NDRG1: variants seen among roughly 807,000 people sequenced by gnomAD.
NDRG1 encodes N-myc downstream regulated 1.
A neutral mutation model predicts 56.9 loss-of-function variants in NDRG1; 32 were observed. The observed-to-expected ratio is 0.56, with a 90% CI of 0.42 to 0.76. NDRG1 has a LOEUF of 0.76. Ranked by LOEUF, NDRG1 falls within the 30% of genes least tolerant of loss-of-function variation. The probability of loss-of-function intolerance (pLI) is 0.00; values close to 1 mark genes in which losing one functional copy is unlikely to be tolerated. For missense variants in NDRG1, 507 were observed against 545.7 expected (o/e 0.93, Z 0.71); for synonymous variants, 211 against 204.1 (o/e 1.03, Z -0.29).
At chr8:133,241,987 C>T (rs1855409061) in intron 15 of NDRG1, 36 bp downstream of exon 15, 1 of 1,612,900 alleles carries the variant, frequency 6.2e-7, no homozygotes, top group South Asian at 1.1e-5. Context: ...CCGACACATG[C>T]CCCGACCCAC....
Position 133,262,228 on chromosome 8 carries a change from C to G in NDRG1, c.206-61G>C, listed in dbSNP as rs954431739. On this transcript the variant is annotated intron_variant, in intron 4 of 15. Coordinates refer to ENST00000323851, the MANE Select transcript of NDRG1 (RefSeq NM_006096.4). ...GTAAGATGAGAAAAAAATTAGGTGT[C>G]TCGGTGGCAAAGCACATTCATTTTG... 3.8e-5 allele frequency: 60 copies of G among 1,588,278 alleles called. No individual in the cohort carries two copies. In the South Asian group the frequency reaches 6.6e-4, roughly 17 times the overall value.
chr8:133,277,991 G>A (rs895460509), intron 3 of NDRG1, among the ~76,000 whole-genome samples: 3 of 152,168 alleles, frequency 2.0e-5, no homozygotes, highest in African/African-American at 7.2e-5. Flanking sequence ...GAGGAGGATG[G>A]ACAATCACAT....
chr8:133,296,685 C>A (rs1563648103), intron 1 of NDRG1: 3 of 374,288 alleles, frequency 8.0e-6, no homozygotes, highest in African/African-American at 2.6e-5. Context: ...CTCTCCGTTC[C>A]CAGACACAGA....
chr8:133,259,227 G>A lies in NDRG1; in HGVS notation c.330C>T (p.Tyr110=). The change falls in exon 6 of 16, where the codon TAC becomes TAT. Residue 110 remains tyrosine (Y), a synonymous_variant. Transcript: ENST00000323851. The part of the protein sequence containing the change: ...QDGAASFPAG[Y]MYPSMDQLAE... ...CCAGCTGATCCATGGAGGGGTACAT[G>A]TACCTGGGGATGACACAGAGAAGCC... is the stretch of plus-strand genomic sequence containing the variant. 6.2e-7 allele frequency: 1 copy of A among 1,614,184 alleles called. No individual in the cohort carries two copies. The highest frequency in any genetic ancestry group is 8.5e-7 in the Non-Finnish European group (1 of 1,180,008).
Position 133,250,516 on chromosome 8 carries a change from C to T in NDRG1, c.622G>A (p.Val208Ile), listed in dbSNP as rs1564284252. 1 of 1,614,046 alleles carries T rather than the reference C, an allele frequency of 6.2e-7. No homozygotes were observed. Among genetic ancestry groups the T allele is most frequent in the Admixed American group, 1.7e-5 (1 of 60,024 alleles). Residue 208 changes from valine (V) to isoleucine (I), a missense_variant, in exon 10 of 16, where the codon GTC (valine) becomes ATC (isoleucine). Coordinates refer to ENST00000323851, the MANE Select transcript of NDRG1 (RefSeq NM_006096.4). ...KEEMQSNVEV[V>I]HTYRQHIVND... ...ACAATGTGCTGGCGGTAGGTGTGGACCACTTCCACGTTACTCTGCATTTCT... is the reference window on the plus strand; with the variant it reads ...ACAATGTGCTGGCGGTAGGTGTGGATCACTTCCACGTTACTCTGCATTTCT...
chr8:133,281,885 G>C (rs1857827416), intron 2 of NDRG1, among the ~76,000 whole-genome samples: 2 of 152,160 alleles, frequency 1.3e-5, no homozygotes, highest in South Asian at 4.1e-4. Context: ...TGGTGGGAAA[G>C]AATGGGGAAA....
At chr8:133,269,047 G>C (rs1418062876) in intron 3 of NDRG1, among the ~76,000 whole-genome samples, 1 of 152,220 alleles carries the variant, frequency 6.6e-6, no homozygotes, top group Non-Finnish European at 1.5e-5. Context: ...TCCCTGCGGG[G>C]ATCAATCACT....
intron 5 of NDRG1, 33 bp from the exon 6 acceptor site, chr8:133,259,263 G>T (rs2233327): frequency 1.2e-5 from 20 of 1,605,450 alleles, no homozygotes; most frequent in Non-Finnish European, 7.7e-6. Context: ...ATTAGTGAGC[G>T]CCCGGACAGA....
intron 7 of NDRG1, among the ~76,000 whole-genome samples, chr8:133,257,064 G>C (rs1261350696): frequency 6.6e-6 from 1 of 152,198 alleles, no homozygotes; most frequent in Non-Finnish European, 1.5e-5. Flanking sequence ...AGAGAGAGTG[G>C]GAAGGAGAAA....
At chr8:133,280,339 G>A in intron 2 of NDRG1, 72 bp from the exon 3 acceptor site, 2 of 1,484,210 alleles carry the variant, frequency 1.3e-6, no homozygotes, top group Middle Eastern at 1.7e-4. Flanking sequence ...GGGACATATG[G>A]GCCTTTCTAT....
intron 8 of NDRG1, chr8:133,255,028 T>C: frequency 3.1e-6 from 1 of 327,524 alleles, no homozygotes; most frequent in Non-Finnish European, 6.0e-6. Context: ...CAAGCCAGTT[T>C]CCCCTTTCTA....
At chr8:133,263,034 G>T (rs929403110) in intron 4 of NDRG1, among the ~76,000 whole-genome samples, 22 of 152,194 alleles carry the variant, frequency 1.4e-4, no homozygotes, top group African/African-American at 5.1e-4. Flanking sequence ...AGCCACAGAG[G>T]GCTTGGCATC....
chr8:133,249,582 G>T (rs1855896324), intron 10 of NDRG1: 1 of 153,556 alleles, frequency 6.5e-6, no homozygotes, highest in African/African-American at 2.4e-5. Flanking sequence ...TGTGGAGTCT[G>T]CGGGCTGTGC....
rs1563628461 is a variant in NDRG1 at position 133,264,569 on chromosome 8, G to A, written c.183C>T (p.Thr61=). The change falls in exon 4 of 16, where the codon ACC becomes ACT. Residue 61 remains threonine (T), a synonymous_variant. Coordinates refer to ENST00000323851, the MANE Select transcript of NDRG1 (RefSeq NM_006096.4). ...TPKGNRPVIL[T]YHDIGMNHKT... is the part of the protein sequence containing the mutation. ...TACGGTTCATGCCGATGTCATGGTAGGTGAGGATGACAGGCCGGTTTCCCT... is the reference window on the plus strand; with the variant it reads ...TACGGTTCATGCCGATGTCATGGTAAGTGAGGATGACAGGCCGGTTTCCCT... 7 of 1,614,158 alleles carry A rather than the reference G, an allele frequency of 4.3e-6. No individual in the cohort carries two copies. The highest frequency in any genetic ancestry group is 5.1e-6 in the Non-Finnish European group (6 of 1,179,982).
In NDRG1 at chr8:133,258,722, T is replaced by C. The variant is rs190009361; in HGVS notation, c.390-296A>G. ...ATCATTTCTTCCCACTCTTAAGCTT[T>C]ATTTTGGATTCTAAAACTTGGAATG... On this transcript the variant is annotated intron_variant, in intron 6 of 15. Coordinates refer to ENST00000323851, the MANE Select transcript of NDRG1 (RefSeq NM_006096.4). 1.2e-4 allele frequency among the ~76,000 whole-genome samples: 18 copies of C among 152,362 alleles called. No individual in the cohort carries two copies. The East Asian group carries it at 3.5e-3, about 29-fold the overall frequency.
At chr8:133,270,683 T>C in intron 3 of NDRG1, among the ~76,000 whole-genome samples, 1 of 152,200 alleles carries the variant, frequency 6.6e-6, no homozygotes, top group Admixed American at 6.5e-5. Flanking sequence ...CAGGTGACAG[T>C]AGGAAGCTGT....
chr8:133,246,509 T>C, intron 13 of NDRG1, 107 bp downstream of exon 13: 4 of 1,132,240 alleles, frequency 3.5e-6, no homozygotes, highest in Non-Finnish European at 4.1e-6. Flanking sequence ...AATTCTATAG[T>C]TTCTGATCGT....
intron 3 of NDRG1, among the ~76,000 whole-genome samples, chr8:133,276,847 C>G (rs113700742): frequency 3.2e-4 from 48 of 152,278 alleles, no homozygotes; most frequent in African/African-American, 1.1e-3. Context: ...GTATATGTCC[C>G]CCAAAACTGA....
intron 2 of NDRG1, chr8:133,280,826 A>G (rs1267376883): frequency 6.4e-6 from 1 of 156,198 alleles, no homozygotes; most frequent in African/African-American, 2.4e-5. Flanking sequence ...GATAGATAAA[A>G]AGCTGAAGGT....
Sources: allele counts gnomAD v4.1 joint callset (sites outside exome capture counted in the v4.1 genomes callset), GRCh38; gene constraint gnomAD v4.1.1; transcripts MANE v1.5; gene names NCBI Gene and HGNC (gene_info 2026-07-23, HGNC 2026-07-21).